Variants in DCAF4 observed in about 807,000 individuals in gnomAD.
The protein encoded by DCAF4 is DDB1 and CUL4 associated factor 4.
In DCAF4, 37 loss-of-function variants were observed where a neutral mutation model predicts 60.9. That is an observed-to-expected ratio of 0.61 (90% CI 0.47 to 0.80). The LOEUF (loss-of-function observed/expected upper bound fraction) is 0.80, where lower values mean the gene tolerates loss of function less well. DCAF4 is among the 30% of genes least tolerant of loss of function. DCAF4 has a pLI of 0.00. For synonymous variants in DCAF4, 243 were observed against 254.8 expected, an observed-to-expected ratio of 0.95 and a Z score of 0.44; for missense variants, 577 against 650.0, an observed-to-expected ratio of 0.89 and a Z score of 1.22.
intron 13 of DCAF4, 50 bp downstream of exon 13, chr14:72,956,550 A>G (rs772679642): frequency 6.5e-7 from 1 of 1,540,586 alleles, no homozygotes; most frequent in Non-Finnish European, 8.8e-7. Flanking sequence ...ACTGTCTCTC[A>G]GGGGCGATCC....
In DCAF4 at chr14:72,953,724, AAAAAAAAAATATATAT is replaced by A. The variant is rs1396766106; in HGVS notation, c.809-438_809-423del. On this transcript the variant is annotated intron_variant, in intron 9 of 13. Coordinates refer to ENST00000358377, the MANE Select transcript of DCAF4 (RefSeq NM_015604.4). ...GACCCTGTCTTAAAAAAAAAAAAAAAAAAAAAAAATATATATATATATATATATATATATATATAGT... is the reference window on the plus strand; with the variant it reads ...GACCCTGTCTTAAAAAAAAAAAAAAAATATATATATATATATATATATAGT... Among the ~76,000 whole-genome samples the A allele has an allele frequency of 3.6e-4, 18 of 50,156 alleles. 3 individuals are homozygous for A. The highest frequency in any genetic ancestry group is 4.7e-4 in the Non-Finnish European group (14 of 29,668). 32.9% of individuals were successfully genotyped at this position (50,156 alleles called of 152,430 possible).
chr14:72,940,441 T>G, intron 4 of DCAF4, 64 bp downstream of exon 4: 2 of 1,517,682 alleles, frequency 1.3e-6, no homozygotes, highest in South Asian at 2.6e-5. Context: ...CCATCCACTG[T>G]TGAAAAGGGT....
intron 11 of DCAF4, 27 bp downstream of exon 11, chr14:72,954,510 A>G: frequency 6.2e-7 from 1 of 1,610,168 alleles, no homozygotes; most frequent in Non-Finnish European, 8.5e-7. Context: ...CAGGCAGAAT[A>G]TAAAAGTTTG....
At chr14:72,930,853 T>C (rs1046206251) in intron 1 of DCAF4, among the ~76,000 whole-genome samples, 1 of 152,186 alleles carries the variant, frequency 6.6e-6, no homozygotes, top group Non-Finnish European at 1.5e-5. Context: ...GTCCCAGCAG[T>C]TGAAAAGACA....
intron 1 of DCAF4, among the ~76,000 whole-genome samples, chr14:72,937,282 G>A (rs1369744464): frequency 6.6e-6 from 1 of 152,022 alleles, no homozygotes; most frequent in South Asian, 2.1e-4. Context: ...AGGTGGGATG[G>A]GTCTCCCTTG....
chr14:72,939,983 C>T, intron 3 of DCAF4, 81 bp downstream of exon 3: 5 of 1,392,540 alleles, frequency 3.6e-6, no homozygotes, highest in Non-Finnish European at 4.9e-6. Flanking sequence ...GAAGGAATTC[C>T]AGGAGCAAAT....
chr14:72,949,278 T>C (rs1007325700), intron 8 of DCAF4, among the ~76,000 whole-genome samples: 3 of 151,658 alleles, frequency 2.0e-5, no homozygotes, highest in African/African-American at 7.3e-5. Context: ...GAAAGACCTC[T>C]CTACAAAAAA....
intron 7 of DCAF4, among the ~76,000 whole-genome samples, chr14:72,946,360 G>A (rs1486303953): frequency 6.6e-6 from 1 of 152,152 alleles, no homozygotes; most frequent in African/African-American, 2.4e-5. Context: ...AGCCATGATC[G>A]TGCCACTGCA....
chr14:72,961,617 G>A (rs535058388), downstream of DCAF4, among the ~76,000 whole-genome samples: 3 of 152,288 alleles, frequency 2.0e-5, no homozygotes, highest in East Asian at 1.9e-4. Context: ...CAGTCTTCCC[G>A]CAATTATTCC....
chr14:72,954,345 C>A, intron 10 of DCAF4, 41 bp from the exon 11 acceptor site: 1 of 1,613,194 alleles, frequency 6.2e-7, no homozygotes, highest in Non-Finnish European at 8.5e-7. Flanking sequence ...CCCCAGACTA[C>A]ATGTGACATA....
At position 72,953,782 on chromosome 14, in the gene DCAF4, TTGTGTGTGTGTGTGTGTG is replaced by T. The variant is rs149574612; in HGVS notation, c.809-352_809-335del. ...ATATATAGTTTATTTATTTATTTAT[TTGTGTGTGTGTGTGTGTG>T]TGTGTGTGTGTGTGTGTGTGTGTGT... On this transcript the variant is annotated intron_variant, in intron 9 of 13. Transcript: ENST00000358377. 2.1e-3 allele frequency among the ~76,000 whole-genome samples: 85 copies of T among 41,118 alleles called. 1 individual carries two copies. Among genetic ancestry groups the T allele is most frequent in the Middle Eastern group, 0.032 (2 of 62 alleles). The allele number at this position is 41,118 out of a possible 152,430, so 27.0% of individuals were successfully genotyped here. A position where few individuals can be genotyped will look rare whatever the true frequency, so the allele number is the denominator to read the frequency against.
chr14:72,955,571 G>C lies in DCAF4; in HGVS notation c.1054G>C (p.Asp352His), dbSNP rs1892163196. ...CCGCTCTGGGGAAATCTTTGCCATT[G>C]ATCTGCGTTGTGGAAATCAAGGCAA... ...GCRSGEIFAI[D>H]LRCGNQGKGW... The change falls in exon 12 of 14, where the codon GAT becomes CAT. Residue 352 changes from aspartate to histidine, a missense_variant. Coordinates refer to ENST00000358377, the MANE Select transcript of DCAF4 (RefSeq NM_015604.4). 1 of 1,614,038 alleles carries C rather than the reference G, an allele frequency of 6.2e-7. No homozygotes were observed. Among genetic ancestry groups the C allele is most frequent in the Non-Finnish European group, 8.5e-7 (1 of 1,180,028 alleles).
chr14:72,948,145 TTTTA>T (rs1418844340), intron 8 of DCAF4, among the ~76,000 whole-genome samples: 2 of 152,120 alleles, frequency 1.3e-5, no homozygotes, highest in African/African-American at 4.8e-5. Context: ...TTTTTGTAAA[TTTTA>T]TTTGTTTCAC....
intron 1 of DCAF4, among the ~76,000 whole-genome samples, chr14:72,930,733 C>A (rs565317825): frequency 6.6e-6 from 1 of 151,968 alleles, no homozygotes; most frequent in Non-Finnish European, 1.5e-5. Context: ...ACCTTTGTTT[C>A]CTTCAAAGAG....
At position 72,953,727 on chromosome 14, in the gene DCAF4, AAAAAAAT is replaced by A. The variant is rs1352746178; in HGVS notation, c.809-435_809-429del. ...CCTGTCTTAAAAAAAAAAAAAAAAA[AAAAAAAT>A]ATATATATATATATATATATATATA... On this transcript the variant is annotated intron_variant, in intron 9 of 13. Coordinates refer to ENST00000358377, the MANE Select transcript of DCAF4 (RefSeq NM_015604.4). Among the ~76,000 whole-genome samples the A allele has an allele frequency of 2.8e-3, 131 of 47,366 alleles. 8 individuals are homozygous for A. The highest frequency in any genetic ancestry group is 4.3e-3 in the Non-Finnish European group (113 of 26,268). The allele number at this position is 47,366 out of a possible 152,430, so 31.1% of individuals were successfully genotyped here. A position where few individuals can be genotyped will look rare whatever the true frequency, so the allele number is the denominator to read the frequency against.
intron 9 of DCAF4, among the ~76,000 whole-genome samples, chr14:72,953,533 G>C (rs1242452945): frequency 2.7e-5 from 4 of 150,904 alleles, no homozygotes; most frequent in Non-Finnish European, 5.9e-5. Flanking sequence ...AACATAGCAA[G>C]ACTCCAATCT....
intron 13 of DCAF4, chr14:72,957,219 T>C (rs1266438472): frequency 6.6e-6 from 1 of 152,192 alleles, no homozygotes; most frequent in African/African-American, 2.4e-5. Context: ...TCAAAATAAA[T>C]AAATAAATAA....
At chr14:72,929,723 G>A in intron 1 of DCAF4, 2 of 1,193,106 alleles carry the variant, frequency 1.7e-6, no homozygotes, top group Non-Finnish European at 1.2e-6. Flanking sequence ...TGAACTTGAG[G>A]GCCCATTTCT....
intron 13 of DCAF4, chr14:72,956,789 T>C: frequency 2.7e-6 from 1 of 375,568 alleles, no homozygotes; most frequent in Admixed American, 4.1e-5. Context: ...GTTTGGAGTT[T>C]GAGTGGATTT....
Sources: gnomAD v4.1 joint callset for allele counts (sites outside exome capture counted in the v4.1 genomes callset) on GRCh38, gnomAD v4.1.1 for gene constraint, MANE v1.5 for transcripts, NCBI Gene and HGNC (gene_info 2026-07-23, HGNC 2026-07-21) for gene names.